The following TRMT11 variants were observed in gnomAD, a reference collection of about 807,000 sequenced individuals.
TRMT11 encodes the protein tRNA (guanine(10)-N(2))-methyltransferase TRMT11.
TRMT11 carries 53 observed loss-of-function variants against 62.8 expected under a neutral mutation model. That is an observed-to-expected ratio of 0.84 (90% CI 0.68 to 1.06). TRMT11 has a LOEUF of 1.06. Ranked by LOEUF, TRMT11 falls within the 50% of genes least tolerant of loss-of-function variation. The pLI, the probability that TRMT11 is intolerant of heterozygous loss-of-function variation, is 0.00. For missense variants in TRMT11, 556 were observed against 553.4 expected (o/e 1.00, Z -0.05); for synonymous variants, 188 against 190.3 (o/e 0.99, Z 0.10).
chr6:126,214,355 C>A, the TRMT11 span, among the ~76,000 whole-genome samples: 1 of 151,894 alleles, frequency 6.6e-6, no homozygotes. Flanking sequence ...GCAATGAAGC[C>A]ATCAGGTCTT....
chr6:126,184,126 A>G (rs1239826640), intron 1 of TRMT11, among the ~76,000 whole-genome samples: 1 of 152,220 alleles, frequency 6.6e-6, no homozygotes, highest in Non-Finnish European at 1.5e-5. Context: ...AAAGAGGAGT[A>G]ATATGAGACT....
At chr6:126,165,503 C>G (rs1778247623) in intron 21 of TRMT11, among the ~76,000 whole-genome samples, 1 of 152,080 alleles carries the variant, frequency 6.6e-6, no homozygotes, top group South Asian at 2.1e-4. Context: ...TCAGCATTTG[C>G]TTGTCTTTAA....
At chr6:126,202,240 A>G (rs1273569562), downstream of TRMT11, 1 of 152,202 alleles carries the variant, frequency 6.6e-6, no homozygotes, top group Non-Finnish European at 1.5e-5. Context: ...GATAAGCATT[A>G]TATACAAAGC....
At chr6:126,264,514 T>C in the TRMT11 span, among the ~76,000 whole-genome samples, 4 of 152,218 alleles carry the variant, frequency 2.6e-5, no homozygotes, top group Admixed American at 2.0e-4. Context: ...GCTAATTTTA[T>C]GTGTCAATTT....
intron 4 of TRMT11, 30 bp downstream of exon 4, chr6:125,998,164 C>T (rs1447199266): frequency 1.9e-6 from 3 of 1,593,670 alleles, no homozygotes; most frequent in East Asian, 2.2e-5. Context: ...TTTATATAGG[C>T]ATGCGTGCAG....
At chr6:126,127,079 G>T (rs2128203476) in intron 21 of TRMT11, among the ~76,000 whole-genome samples, 1 of 152,228 alleles carries the variant, frequency 6.6e-6, no homozygotes, top group Middle Eastern at 3.4e-3. Flanking sequence ...GAAGAAGGAG[G>T]TTGATGACCG....
chr6:126,240,802 C>T, the TRMT11 span, among the ~76,000 whole-genome samples: 1 of 152,274 alleles, frequency 6.6e-6, no homozygotes, highest in Non-Finnish European at 1.5e-5. Context: ...GCCCTGCCCC[C>T]AGAGGCGGAG....
chr6:125,996,027 A>G lies in TRMT11; in HGVS notation c.199A>G (p.Thr67Ala), dbSNP rs371253767. 2.5e-6 allele frequency: 4 copies of G among 1,609,560 alleles called. No individual in the cohort carries two copies. Among genetic ancestry groups the G allele is most frequent in the Admixed American group, 3.3e-5 (2 of 59,978 alleles). Residue 67 changes from threonine (T) to alanine (A), a missense_variant, in exon 3 of 13, where the codon ACA (threonine) becomes GCA (alanine). Coordinates refer to ENST00000334379, the MANE Select transcript of TRMT11 (RefSeq NM_001031712.3). ...TATTGCAAGAAATTTGATGAAACGG[A>G]CAGTGTGTGCCAAGTAAGAGAAACT... The part of the protein sequence containing the change: ...EDIARNLMKR[T>A]VCAKSIFELW...
rs781344248 is a variant in TRMT11, at chr6:126,038,825, AC to A, written c.1384del (p.Gln462ArgfsTer5). On this transcript the variant is annotated frameshift_variant, in exon 13 of 13. Coordinates refer to ENST00000334379, the MANE Select transcript of TRMT11 (RefSeq NM_001031712.3). LOFTEE classifies it high-confidence loss of function. ...TKRIAKEEKS[T>X]QE ...AAGAATTGCCAAGGAAGAAAAATCC[AC>A]CCAGGAATGAAAATTAAGATTTTGA... 19 of 1,591,942 alleles carry A rather than the reference AC, an allele frequency of 1.2e-5. No homozygotes were observed. Among genetic ancestry groups the A allele is most frequent in the Non-Finnish European group, 1.6e-5 (19 of 1,172,934 alleles).
At chr6:126,230,989 G>A in the TRMT11 span, among the ~76,000 whole-genome samples, 7 of 152,116 alleles carry the variant, frequency 4.6e-5, no homozygotes, top group Non-Finnish European at 1.0e-4. Flanking sequence ...ATTTCAAATA[G>A]TGTTCTTTTA....
At chr6:126,148,765 T>G (rs1255416506) in intron 21 of TRMT11, among the ~76,000 whole-genome samples, 2 of 152,192 alleles carry the variant, frequency 1.3e-5, no homozygotes, top group Non-Finnish European at 2.9e-5. Flanking sequence ...ATAGTGAATA[T>G]TTTTTAAAAA....
At chr6:126,009,076 A>G (rs1302019646) in intron 8 of TRMT11, among the ~76,000 whole-genome samples, 1 of 151,948 alleles carries the variant, frequency 6.6e-6, no homozygotes, top group African/African-American at 2.4e-5. Context: ...GTTCAGACCT[A>G]TAATTTATTA....
chr6:126,132,974 A>G (rs1188878657), intron 21 of TRMT11, among the ~76,000 whole-genome samples: 1 of 151,962 alleles, frequency 6.6e-6, no homozygotes, highest in Non-Finnish European at 1.5e-5. Context: ...CATTTAATCC[A>G]TATGTTTTGG....
chr6:126,267,921 T>C, the TRMT11 span, among the ~76,000 whole-genome samples: 3 of 151,850 alleles, frequency 2.0e-5, no homozygotes, highest in African/African-American at 7.3e-5. Flanking sequence ...AGAACCATAA[T>C]GTCAAAAATA....
chr6:126,250,285 AG>A, the TRMT11 span, among the ~76,000 whole-genome samples: 3 of 152,124 alleles, frequency 2.0e-5, no homozygotes, highest in African/African-American at 7.2e-5. Context: ...GTAGAATTGC[AG>A]GGGAACTCTC....
chr6:126,085,989 A>G (rs1415046147), intron 17 of TRMT11, among the ~76,000 whole-genome samples: 1 of 152,068 alleles, frequency 6.6e-6, no homozygotes, highest in East Asian at 1.9e-4. Context: ...CAAAAATGAC[A>G]CAAACAAAAC....
upstream of TRMT11, among the ~76,000 whole-genome samples, chr6:126,175,688 A>C (rs1446100247): frequency 6.6e-6 from 1 of 152,284 alleles, no homozygotes; most frequent in East Asian, 1.9e-4. Context: ...CAGAAAAGGC[A>C]TTTTACTTAG....
chr6:126,042,735 G>T (rs1775916366), downstream of TRMT11, among the ~76,000 whole-genome samples: 1 of 152,164 alleles, frequency 6.6e-6, no homozygotes, highest in Non-Finnish European at 1.5e-5. Context: ...CAGCAGTGAA[G>T]ATTAGCTGGG....
chr6:126,205,092 A>T (rs1562348334), downstream of TRMT11, among the ~76,000 whole-genome samples: 3 of 152,332 alleles, frequency 2.0e-5, no homozygotes, highest in South Asian at 4.1e-4. Flanking sequence ...TTATATTCAG[A>T]TCCCAGTTGA....
Sources: allele counts gnomAD v4.1 joint callset (sites outside exome capture counted in the v4.1 genomes callset), GRCh38; gene constraint gnomAD v4.1.1; transcripts MANE v1.5; gene names NCBI Gene and HGNC (gene_info 2026-07-23, HGNC 2026-07-21).